KCNV2: variants seen among roughly 807,000 people sequenced by gnomAD.
KCNV2 encodes the protein potassium voltage-gated channel modifier subfamily V member 2, also known as potassium voltage-gated channel subfamily V member 2.
Under a neutral mutation model 37.0 loss-of-function variants are expected in KCNV2, and 65 were observed. That is an observed-to-expected ratio of 1.76 (90% confidence interval 1.44 to 2.16). The LOEUF is 2.16. KCNV2 is among the 30% of genes most tolerant of loss of function. The pLI is 0.00. For synonymous variants in KCNV2, 518 were observed against 328.6 expected (o/e 1.58, Z -6.23); for missense variants, 1,232 against 766.7 (o/e 1.61, Z -7.17).
At position 2,718,499 on chromosome 9, in the gene KCNV2, T is replaced by C. The variant is rs1419492836; in HGVS notation, c.760T>C (p.Phe254Leu). 6.2e-7 allele frequency: 1 copy of C among 1,610,838 alleles called. No homozygotes were observed. Among genetic ancestry groups the C allele is most frequent in the South Asian group, 1.1e-5 (1 of 90,744 alleles). ...CCTCTGGAACCTCATGGAGAAGCCATTCTCCTCGGTGGCCGCCAAGGCCAT... is the reference window on the plus strand; with the variant it reads ...CCTCTGGAACCTCATGGAGAAGCCACTCTCCTCGGTGGCCGCCAAGGCCAT... ...RRLWNLMEKP[F>L]SSVAAKAIGV... Residue 254 changes from phenylalanine to leucine, a missense_variant, in exon 1 of 2, where the codon TTC becomes CTC. Phe to Leu is a conservative substitution (Grantham distance 22, BLOSUM62 0). Coordinates refer to ENST00000382082, the MANE Select transcript of KCNV2 (RefSeq NM_133497.4).
chr9:2,720,048 A>T (rs747879596), intron 1 of KCNV2, among the ~76,000 whole-genome samples: 2 of 152,258 alleles, frequency 1.3e-5, no homozygotes, highest in Non-Finnish European at 2.9e-5. Flanking sequence ...AATTGAATGT[A>T]TGGTTTCCTT....
chr9:2,724,873 G>A (rs1179009538), intron 1 of KCNV2, among the ~76,000 whole-genome samples: 1 of 152,220 alleles, frequency 6.6e-6, no homozygotes, highest in African/African-American at 2.4e-5. Context: ...AAGGGTGTCA[G>A]GCTTGGGACT....
chr9:2,718,738 C>T lies in KCNV2; in HGVS notation c.999C>T (p.Ser333=), dbSNP rs946520647. The T allele has an allele frequency of 2.1e-5, 34 of 1,612,060 alleles. No individual in the cohort carries two copies. In the East Asian group the frequency reaches 7.1e-4, roughly 34 times the overall value. Residue 333 remains serine (S), a synonymous_variant, in exon 1 of 2, where the codon AGC becomes AGT. Coordinates refer to ENST00000382082, the MANE Select transcript of KCNV2 (RefSeq NM_133497.4). ...STPDLRRFAR[S]ALNLVDLVAI... Reference sequence around the variant, plus strand: ...CCGACCTGAGGCGCTTCGCGCGCAGCGCCCTCAACCTGGTGGACCTGGTGG... The same window carrying T: ...CCGACCTGAGGCGCTTCGCGCGCAGTGCCCTCAACCTGGTGGACCTGGTGG...
rs369794013 is a variant in KCNV2 at position 2,729,657 on chromosome 9, G to C, written c.1568G>C (p.Arg523Thr). Residue 523 changes from arginine to threonine, a missense_variant, in exon 2 of 2, where the codon AGA (arginine) becomes ACA (threonine). Coordinates refer to ENST00000382082, the MANE Select transcript of KCNV2 (RefSeq NM_133497.4). ...RERGEVNFMQ[R>T]ARKKIAECLL... ...AGGGGAGAGGTGAACTTCATGCAGA[G>C]AGCCAGAAAGAAGATAGCTGAGTGT... 17 of 1,613,996 alleles carry C rather than the reference G, an allele frequency of 1.1e-5. No homozygotes were observed. The highest frequency in any genetic ancestry group is 1.3e-5 in the African/African-American group (1 of 74,902).
At position 2,717,796 on chromosome 9, in the gene KCNV2, G is replaced by A. The variant is rs374977862; in HGVS notation, c.57G>A (p.Thr19=). The A allele has an allele frequency of 5.6e-6, 9 of 1,614,102 alleles. No homozygotes were observed. The highest frequency in any genetic ancestry group is 5.3e-5 in the African/African-American group (4 of 74,936). ...RSWSYRPWNT[T]ENEGSQHRRS... is the part of the protein sequence containing the mutation. ...GGAGCTACAGGCCCTGGAACACGAC[G>A]GAGAATGAGGGCAGCCAACACCGCA... Residue 19 remains threonine (T), a synonymous_variant, in exon 1 of 2, where the codon ACG becomes ACA. Coordinates refer to ENST00000382082, the MANE Select transcript of KCNV2 (RefSeq NM_133497.4).
At chr9:2,723,762 G>A (rs963330836) in intron 1 of KCNV2, among the ~76,000 whole-genome samples, 2 of 152,246 alleles carry the variant, frequency 1.3e-5, no homozygotes, top group Admixed American at 1.3e-4. Context: ...TAAAACATAC[G>A]AGAAGGTCAG....
In KCNV2 at chr9:2,718,745, A is replaced by AACCTGGTGG. The variant is rs786205064; in HGVS notation, c.1016_1024dup (p.Asp339_Val341dup). On this transcript the variant is annotated inframe_insertion, in exon 1 of 2. Transcript: ENST00000382082. ...GAGGCGCTTCGCGCGCAGCGCCCTC[A>AACCTGGTGG]ACCTGGTGGACCTGGTGGCCATCCT... The AACCTGGTGG allele has an allele frequency of 1.9e-6, 3 of 1,611,934 alleles. No individual in the cohort carries two copies. Among genetic ancestry groups the AACCTGGTGG allele is most frequent in the Non-Finnish European group, 2.5e-6 (3 of 1,179,852 alleles).
At chr9:2,722,032 A>AGAAGTTATTTATTTATAAATAAATT (rs1819878836) in intron 1 of KCNV2, among the ~76,000 whole-genome samples, 1 of 147,634 alleles carries the variant, frequency 6.8e-6, no homozygotes, top group African/African-American at 2.6e-5. Flanking sequence ...TAAATAAATT[A>AGAAGTTATTTATTTATAAATAAATT]GAAGTTATTT....
At chr9:2,728,495 T>C (rs977256494) in intron 1 of KCNV2, among the ~76,000 whole-genome samples, 2 of 152,210 alleles carry the variant, frequency 1.3e-5, no homozygotes, top group Non-Finnish European at 2.9e-5. Context: ...CCATGGTATC[T>C]GCATTTTAAA....
chr9:2,723,896 G>C (rs896051189), intron 1 of KCNV2, among the ~76,000 whole-genome samples: 1 of 151,888 alleles, frequency 6.6e-6, no homozygotes, highest in African/African-American at 2.4e-5. Flanking sequence ...AGCTAAACAA[G>C]AACAATGGGC....
rs745416881 is a variant in KCNV2, at chr9:2,717,932, G to A, written c.193G>A (p.Asp65Asn). ...IEEDEDGEEE[D>N]QWKDDLAEED... Reference sequence around the variant, plus strand: ...GGAAGACGAAGACGGCGAGGAGGAGGACCAGTGGAAGGACGACCTGGCAGA... The same window carrying A: ...GGAAGACGAAGACGGCGAGGAGGAGAACCAGTGGAAGGACGACCTGGCAGA... Residue 65 changes from aspartate to asparagine, a missense_variant, in exon 1 of 2, where the codon GAC (aspartate) becomes AAC (asparagine). Physicochemically the swap from Asp to Asn is conservative, Grantham distance 23. Coordinates refer to ENST00000382082, the MANE Select transcript of KCNV2 (RefSeq NM_133497.4). The A allele has an allele frequency of 6.2e-6, 10 of 1,613,934 alleles. No homozygotes were observed. The South Asian group carries it at 6.6e-5, about 11-fold the overall frequency.
rs569265270 is a variant in KCNV2 at position 2,721,199 on chromosome 9, C to G, written c.1356+2104C>G. 3.3e-5 allele frequency among the ~76,000 whole-genome samples: 5 copies of G among 152,168 alleles called. No individual in the cohort carries two copies. The South Asian group carries it at 6.2e-4, about 19-fold the overall frequency. On this transcript the variant is annotated intron_variant, in intron 1 of 1. Transcript: ENST00000382082. ...CATTCCAACCATCCCATTTACAAAC[C>G]TTACCCTTTATCAATGGTCTTTGTC... is the stretch of plus-strand genomic sequence containing the variant.
intron 1 of KCNV2, chr9:2,720,545 A>C (rs1563797006): frequency 2.0e-5 from 3 of 152,224 alleles, no homozygotes; most frequent in Admixed American, 2.0e-4. Flanking sequence ...ATAGTAGATA[A>C]ACCATGTGTA....
intron 1 of KCNV2, among the ~76,000 whole-genome samples, chr9:2,723,273 C>T (rs919025820): frequency 5.3e-5 from 8 of 152,214 alleles, no homozygotes; most frequent in African/African-American, 1.9e-4. Flanking sequence ...ATGCATCCCA[C>T]ATTACAGAGA....
At chr9:2,726,878 G>A (rs1819976662) in intron 1 of KCNV2, among the ~76,000 whole-genome samples, 2 of 152,068 alleles carry the variant, frequency 1.3e-5, no homozygotes, top group Admixed American at 6.5e-5. Flanking sequence ...CGCATGGGAG[G>A]GATCTAGGTT....
rs1819793183 is a variant in KCNV2, at chr9:2,718,607, G to A, written c.868G>A (p.Gly290Arg). ...CGTGGAGGAGATGCAGCAGCACTCG[G>A]GGCAGGGCGAGGGCGGCCCAGACCT... The part of the protein sequence containing the change: ...NTVEEMQQHS[G>R]QGEGGPDLRP... Residue 290 changes from glycine (G) to arginine (R), a missense_variant, in exon 1 of 2, where the codon GGG becomes AGG. Coordinates refer to ENST00000382082, the MANE Select transcript of KCNV2 (RefSeq NM_133497.4). 3 of 1,612,986 alleles carry A rather than the reference G, an allele frequency of 1.9e-6. No homozygotes were observed. The highest frequency in any genetic ancestry group is 1.7e-5 in the Admixed American group (1 of 59,990).
chr9:2,717,644 G>A lies in KCNV2; in HGVS notation c.-96G>A, dbSNP rs531334327. 2.0e-6 allele frequency: 3 copies of A among 1,512,020 alleles called. No homozygotes were observed. The highest frequency in any genetic ancestry group is 1.1e-5 in the South Asian group (1 of 87,992). 93.7% of individuals were successfully genotyped at this position (1,512,020 alleles called of 1,614,324 possible). A position where few individuals can be genotyped will look rare whatever the true frequency, so the allele number is the denominator to read the frequency against. ...TCCGGGCTGGCCTCTCTAAGACAGTGCAGGCCACGTGATCCATCCTCCTAG... is the reference window on the plus strand; with the variant it reads ...TCCGGGCTGGCCTCTCTAAGACAGTACAGGCCACGTGATCCATCCTCCTAG... On this transcript the variant is annotated 5_prime_UTR_variant, in exon 1 of 2. Coordinates refer to ENST00000382082, the MANE Select transcript of KCNV2 (RefSeq NM_133497.4).
In KCNV2 at chr9:2,718,521, C is replaced by A. The variant is rs755071813; in HGVS notation, c.782C>A (p.Ala261Asp). 6.2e-6 allele frequency: 10 copies of A among 1,611,044 alleles called. No individual in the cohort carries two copies. Among genetic ancestry groups the A allele is most frequent in the Middle Eastern group, 1.6e-4 (1 of 6,080 alleles). ...CCATTCTCCTCGGTGGCCGCCAAGG[C>A]CATCGGGGTGGCCTCCAGCACCTTC... The part of the protein sequence containing the change: ...EKPFSSVAAK[A>D]IGVASSTFVL... The change falls in exon 1 of 2, where the codon GCC becomes GAC. Residue 261 changes from alanine (A) to aspartate (D), a missense_variant. Physicochemically the swap from Ala to Asp is moderately radical, Grantham distance 126. Transcript: ENST00000382082.
Position 2,717,611 on chromosome 9 carries a change from T to C in KCNV2, c.-129T>C. 1.7e-6 allele frequency: 2 copies of C among 1,195,352 alleles called. No individual in the cohort carries two copies. The highest frequency in any genetic ancestry group is 2.4e-6 in the Non-Finnish European group (2 of 821,444). The allele number at this position is 1,195,352 out of a possible 1,614,324, so 74.0% of individuals were successfully genotyped here. On this transcript the variant is annotated 5_prime_UTR_variant, in exon 1 of 2. Transcript: ENST00000382082. ...CGGTGGCAATGTCTGAGCCCCTAGC[T>C]GTGCTGGTCCGGGCTGGCCTCTCTA...
Sources: allele counts gnomAD v4.1 joint callset (sites outside exome capture counted in the v4.1 genomes callset), GRCh38; gene constraint gnomAD v4.1.1; transcripts MANE v1.5; gene names NCBI Gene and HGNC (gene_info 2026-07-23, HGNC 2026-07-21).